Variants in ZFHX3 observed in about 807,000 individuals in gnomAD.
ZFHX3 encodes zinc finger homeobox 3.
ZFHX3 carries 42 observed loss-of-function variants against 279.1 expected under a neutral mutation model. The observed-to-expected ratio is 0.15, with a 90% CI of 0.12 to 0.19. ZFHX3 has a LOEUF of 0.19. ZFHX3 is among the 10% of genes least tolerant of loss of function. The pLI is 1.00. For synonymous variants in ZFHX3, 2,293 were observed against 1,957.8 expected (o/e 1.17, Z -4.52); for missense variants, 4,981 against 4,754.0 (o/e 1.05, Z -1.40).
At chr16:73,396,215 G>A (rs947262353) in intron 3 of ZFHX3, among the ~76,000 whole-genome samples, 1 of 152,208 alleles carries the variant, frequency 6.6e-6, no homozygotes, top group Admixed American at 6.5e-5. Flanking sequence ...GATGGGAAGA[G>A]GCTTATGCGG....
Position 73,720,990 on chromosome 16 carries a change from C to T in ZFHX3, c.-1607-40750G>A, listed in dbSNP as rs374238234. On this transcript the variant is annotated intron_variant, in intron 1 of 17. Transcript: ENST00000641206. ...CAGCCTAGGGGCCACGTGTGGCTGA[C>T]AGAAGTGTTTTATTTGGCCTCATAA... is the stretch of plus-strand genomic sequence containing the variant. Among the ~76,000 whole-genome samples the T allele has an allele frequency of 6.6e-5, 10 of 152,300 alleles. No individual in the cohort carries two copies. The South Asian group carries it at 1.2e-3, about 19-fold the overall frequency.
intron 5 of ZFHX3, among the ~76,000 whole-genome samples, chr16:72,814,996 G>C (rs1448893769): frequency 1.3e-5 from 2 of 152,198 alleles, no homozygotes; most frequent in African/African-American, 4.8e-5. Context: ...TGGCTCCTAA[G>C]AGTTAACTAT....
chr16:73,314,145 T>C (rs2015391862), intron 4 of ZFHX3, among the ~76,000 whole-genome samples: 1 of 152,166 alleles, frequency 6.6e-6, no homozygotes, highest in Admixed American at 6.5e-5. Context: ...TTGTCCTCTT[T>C]AAGAGGTGGG....
intron 3 of ZFHX3, among the ~76,000 whole-genome samples, chr16:73,404,886 T>TG (rs2143442742): frequency 6.6e-6 from 1 of 152,260 alleles, no homozygotes; most frequent in East Asian, 1.9e-4. Context: ...ATTATCTCAT[T>TG]TGGTCCTCAG....
chr16:73,496,682 T>C (rs1474630434), intron 2 of ZFHX3, among the ~76,000 whole-genome samples: 2 of 152,252 alleles, frequency 1.3e-5, no homozygotes, highest in African/African-American at 2.4e-5. Context: ...CCTAGCCTTC[T>C]ATTCTCCTCC....
At chr16:73,235,305 A>T (rs762076420) in intron 5 of ZFHX3, among the ~76,000 whole-genome samples, 3 of 152,088 alleles carry the variant, frequency 2.0e-5, no homozygotes, top group Non-Finnish European at 2.9e-5. Flanking sequence ...TCCTGACCTC[A>T]TCATCCTCCT....
chr16:73,272,530 A>C (rs2014174894), intron 4 of ZFHX3, among the ~76,000 whole-genome samples: 1 of 152,222 alleles, frequency 6.6e-6, no homozygotes, highest in South Asian at 2.1e-4. Context: ...ATATTTACTG[A>C]GCACCTAACT....
chr16:73,256,141 A>G (rs1243665302), intron 5 of ZFHX3, among the ~76,000 whole-genome samples: 1 of 152,202 alleles, frequency 6.6e-6, no homozygotes, highest in African/African-American at 2.4e-5. Flanking sequence ...AGGAGATGCC[A>G]TTCTTCAGTG....
At chr16:73,575,852 C>A (rs761748513) in intron 2 of ZFHX3, among the ~76,000 whole-genome samples, 1 of 152,110 alleles carries the variant, frequency 6.6e-6, no homozygotes, top group Non-Finnish European at 1.5e-5. Flanking sequence ...TTGTGCCATT[C>A]AATTCCTCTA....
At chr16:73,615,584 T>C (rs2143892209) in intron 2 of ZFHX3, among the ~76,000 whole-genome samples, 1 of 152,300 alleles carries the variant, frequency 6.6e-6, no homozygotes, top group East Asian at 1.9e-4. Flanking sequence ...AATTACAGGG[T>C]TCCTCCAAAT....
intron 4 of ZFHX3, among the ~76,000 whole-genome samples, chr16:72,840,288 G>A (rs1028349435): frequency 6.6e-6 from 1 of 152,214 alleles, no homozygotes; most frequent in Non-Finnish European, 1.5e-5. Context: ...GATATTAAAT[G>A]ATGGTGATTA....
intron 2 of ZFHX3, among the ~76,000 whole-genome samples, chr16:73,541,431 A>G (rs117591197): frequency 0.029 from 4,472 of 152,216 alleles, 106 homozygotes; most frequent in Non-Finnish European, 0.046. Context: ...GGCTACAGTG[A>G]GCTGTGATCA....
chr16:73,195,012 T>C (rs140967544), intron 5 of ZFHX3, among the ~76,000 whole-genome samples: 2 of 152,366 alleles, frequency 1.3e-5, no homozygotes, highest in Admixed American at 1.3e-4. Context: ...GACCTCATTA[T>C]AATTTGGTAG....
chr16:73,413,847 C>G (rs1285902984), intron 3 of ZFHX3, among the ~76,000 whole-genome samples: 1 of 152,062 alleles, frequency 6.6e-6, no homozygotes, highest in Non-Finnish European at 1.5e-5. Context: ...ATGATTTGCC[C>G]AAGTAAAAAT....
rs545516172 is a variant in ZFHX3 at position 73,322,076 on chromosome 16, G to A, written c.-1290-3740C>T. 6.6e-5 allele frequency among the ~76,000 whole-genome samples: 10 copies of A among 152,266 alleles called. No individual in the cohort carries two copies. The East Asian group carries it at 1.4e-3, about 21-fold the overall frequency. On this transcript the variant is annotated intron_variant, in intron 3 of 17. Transcript: ENST00000641206. ...CCTCACAGTTCATTTGCTTCCCTCC[G>A]TCGATCTGACTTTGCTCAGTAAGCT...
chr16:73,422,241 T>A (rs2017732020), intron 3 of ZFHX3, among the ~76,000 whole-genome samples: 1 of 152,088 alleles, frequency 6.6e-6, no homozygotes, highest in Non-Finnish European at 1.5e-5. Flanking sequence ...CTGCAGATAC[T>A]TTCCTCTGCT....
intron 5 of ZFHX3, among the ~76,000 whole-genome samples, chr16:73,242,813 T>C (rs936766488): frequency 4.6e-5 from 7 of 152,338 alleles, no homozygotes; most frequent in Non-Finnish European, 1.0e-4. Context: ...ACTGGCCATT[T>C]CAAGGTGCCA....
chr16:72,943,956 AAAAAGTATCTATATGTACTGACCT>A (rs1596992998), intron 3 of ZFHX3, among the ~76,000 whole-genome samples: 2 of 152,238 alleles, frequency 1.3e-5, no homozygotes, highest in African/African-American at 4.8e-5. Context: ...TGATTTTCAT[AAAAAGTATCTATATGTACTGACCT>A]AAAAGTATCT....
At chr16:73,509,425 G>A (rs2019384106) in intron 2 of ZFHX3, among the ~76,000 whole-genome samples, 1 of 150,814 alleles carries the variant, frequency 6.6e-6, no homozygotes, top group Non-Finnish European at 1.5e-5. Flanking sequence ...AAGTCACACT[G>A]CACAGTTCTG....
Sources: gnomAD v4.1 joint callset for allele counts (sites outside exome capture counted in the v4.1 genomes callset) on GRCh38, gnomAD v4.1.1 for gene constraint, MANE v1.5 for transcripts, NCBI Gene and HGNC (gene_info 2026-07-23, HGNC 2026-07-21) for gene names.